The following ZMYM2 variants were observed in gnomAD, a reference collection of about 807,000 sequenced individuals.
ZMYM2 encodes the protein zinc finger MYM-type protein 2.
In ZMYM2, 56 loss-of-function variants were observed where a neutral mutation model predicts 162.8. That is an observed-to-expected ratio of 0.34 (90% CI 0.28 to 0.43). ZMYM2 has a LOEUF of 0.43. Ranked by LOEUF, ZMYM2 falls within the 20% of genes least tolerant of loss-of-function variation. The probability of loss-of-function intolerance (pLI) is 1.00; values close to 1 mark genes in which losing one functional copy is unlikely to be tolerated. For synonymous variants in ZMYM2, 510 were observed against 541.6 expected (o/e 0.94, Z 0.81); for missense variants, 1,275 against 1,621.8 (o/e 0.79, Z 3.67).
chr13:19,883,275 T>C, the ZMYM2 span, among the ~76,000 whole-genome samples: 104 of 152,286 alleles, frequency 6.8e-4, no homozygotes, highest in South Asian at 0.018. Flanking sequence ...ATTTAATGGG[T>C]ACTGGATTTT....
intron 7 of ZMYM2, among the ~76,000 whole-genome samples, chr13:20,023,331 G>A (rs1952284049): frequency 6.6e-6 from 1 of 152,146 alleles, no homozygotes; most frequent in African/African-American, 2.4e-5. Flanking sequence ...ATTTGCAGCA[G>A]CAGGTACATC....
chr13:20,067,603 A>G (rs560351842), intron 21 of ZMYM2, among the ~76,000 whole-genome samples: 1 of 152,334 alleles, frequency 6.6e-6, no homozygotes, highest in South Asian at 2.1e-4. Flanking sequence ...AAGGCATGAT[A>G]TGTAGCCACA....
intron 6 of ZMYM2, among the ~76,000 whole-genome samples, chr13:20,016,023 G>T (rs1441537766): frequency 6.6e-6 from 1 of 151,958 alleles, no homozygotes; most frequent in Non-Finnish European, 1.5e-5. Context: ...TACCAATAAG[G>T]AAGGATTTAT....
chr13:20,034,769 G>A (rs1386339432), intron 11 of ZMYM2, among the ~76,000 whole-genome samples: 1 of 152,168 alleles, frequency 6.6e-6, no homozygotes, highest in Non-Finnish European at 1.5e-5. Flanking sequence ...AACCTGCAAA[G>A]GTTTTCAATA....
chr13:20,025,911 A>G (rs574151798), intron 7 of ZMYM2: 2 of 152,324 alleles, frequency 1.3e-5, no homozygotes, highest in South Asian at 2.1e-4. Context: ...GAAATATGGC[A>G]TTACAATCAC....
At chr13:20,061,369 T>TGC in intron 17 of ZMYM2, 145 bp downstream of exon 17, 2 of 692,156 alleles carry the variant, frequency 2.9e-6, no homozygotes, top group Non-Finnish European at 4.1e-6. Context: ...TTTTTTATAT[T>TGC]AAGAGATCTA....
the ZMYM2 span, among the ~76,000 whole-genome samples, chr13:19,874,861 T>C: frequency 6.6e-6 from 1 of 152,028 alleles, no homozygotes; most frequent in East Asian, 1.9e-4. Context: ...AAACACAAAT[T>C]AACATCATGA....
At chr13:19,889,310 T>C in the ZMYM2 span, among the ~76,000 whole-genome samples, 19 of 151,944 alleles carry the variant, frequency 1.3e-4, 1 homozygote, top group African/African-American at 4.4e-4. Flanking sequence ...TTTTGGAATT[T>C]ATTTTATTTT....
At chr13:19,971,262 A>ATATATATATATT (rs1329532735) in intron 2 of ZMYM2, among the ~76,000 whole-genome samples, 26 of 78,328 alleles carry the variant, frequency 3.3e-4, no homozygotes, top group African/African-American at 1.1e-3. Flanking sequence ...ATATATATAT[A>ATATATATATATT]TTTTTTTTTT....
At chr13:19,927,103 C>T in the ZMYM2 span, among the ~76,000 whole-genome samples, 1 of 152,172 alleles carries the variant, frequency 6.6e-6, no homozygotes, top group Non-Finnish European at 1.5e-5. Flanking sequence ...TATTCCCTTT[C>T]CTAAGACTTC....
intron 14 of ZMYM2, among the ~76,000 whole-genome samples, chr13:20,056,363 G>C (rs1294262084): frequency 3.9e-5 from 6 of 152,156 alleles, no homozygotes; most frequent in Non-Finnish European, 8.8e-5. Context: ...ACTGGATAAT[G>C]CCCCAGTTCA....
chr13:19,943,905 A>G, the ZMYM2 span, among the ~76,000 whole-genome samples: 1 of 152,196 alleles, frequency 6.6e-6, no homozygotes, highest in African/African-American at 2.4e-5. Flanking sequence ...AGCATGCAGA[A>G]TTGTTGGGGT....
intron 6 of ZMYM2, among the ~76,000 whole-genome samples, chr13:20,006,850 AC>A (rs1950782710): frequency 6.6e-6 from 1 of 152,036 alleles, no homozygotes; most frequent in Non-Finnish European, 1.5e-5. Flanking sequence ...GTCTGGGTAA[AC>A]CCGTTGTAAG....
Position 20,085,817 on chromosome 13 carries a change from C to G in ZMYM2, c.3942-5C>G. On this transcript the variant is annotated splice_polypyrimidine_tract_variant and splice_region_variant and intron_variant, in intron 24 of 24. Transcript: ENST00000610343. ...CTTTTTCTCTTTTTCCTCCCGCCTC[C>G]AAAGTCCACAGAATCTTAATCAGAG... The G allele has an allele frequency of 6.3e-7, 1 of 1,577,600 alleles. No homozygotes were observed. The highest frequency in any genetic ancestry group is 8.6e-7 in the Non-Finnish European group (1 of 1,163,670).
chr13:20,045,879 C>G (rs1051717544), intron 12 of ZMYM2, among the ~76,000 whole-genome samples: 1 of 151,502 alleles, frequency 6.6e-6, no homozygotes, highest in African/African-American at 2.4e-5. Flanking sequence ...TGTTGTTGTT[C>G]ACAGCAGATA....
At chr13:20,059,052 C>T in intron 15 of ZMYM2, 1 of 405,904 alleles carries the variant, frequency 2.5e-6, no homozygotes, top group East Asian at 5.9e-5. Flanking sequence ...TGTTTCCTTC[C>T]TGTCAGAATG....
chr13:19,964,615 A>C (rs939154526), intron 2 of ZMYM2, among the ~76,000 whole-genome samples: 4 of 152,044 alleles, frequency 2.6e-5, no homozygotes, highest in African/African-American at 9.7e-5. Context: ...TATTAGTATA[A>C]GTTATCATCT....
chr13:20,061,305 A>G (rs1956211913), intron 17 of ZMYM2, 81 bp downstream of exon 17: 1 of 1,460,012 alleles, frequency 6.8e-7, no homozygotes, highest in South Asian at 1.4e-5. Flanking sequence ...TTTCCAGGGC[A>G]TATCATTTTG....
chr13:20,011,179 C>T (rs1055728151), intron 6 of ZMYM2, among the ~76,000 whole-genome samples: 4 of 152,148 alleles, frequency 2.6e-5, no homozygotes, highest in African/African-American at 9.7e-5. Flanking sequence ...GAACTTACTC[C>T]TCCTATATAG....
Sources: gnomAD v4.1 joint callset for allele counts (sites outside exome capture counted in the v4.1 genomes callset) on GRCh38, gnomAD v4.1.1 for gene constraint, MANE v1.5 for transcripts, NCBI Gene and HGNC (gene_info 2026-07-23, HGNC 2026-07-21) for gene names.